MGAM: variants seen among roughly 807,000 people sequenced by gnomAD.
MGAM encodes alpha-1,4-glucosidase.
In MGAM, 253 loss-of-function variants were observed where a neutral mutation model predicts 358.8. The ratio of observed to expected loss-of-function variants is 0.71; its 90% CI spans 0.64 to 0.78. MGAM has a LOEUF of 0.78. Among genes scored for constraint, MGAM ranks in the 30% least tolerant of loss-of-function variants. MGAM has a pLI of 0.00. For synonymous variants in MGAM, 1,105 were observed against 1,227.1 expected, an observed-to-expected ratio of 0.90 and a Z score of 2.08; for missense variants, 3,080 against 3,432.6, an observed-to-expected ratio of 0.90 and a Z score of 2.57.
chr7:142,035,772 G>A (rs2129007524), intron 16 of MGAM, among the ~76,000 whole-genome samples: 1 of 152,208 alleles, frequency 6.6e-6, no homozygotes, highest in East Asian at 1.9e-4. Context: ...TTTTTTAATA[G>A]GTGAGTGACA....
At chr7:142,005,891 A>G (rs1805117258) in intron 2 of MGAM, among the ~76,000 whole-genome samples, 1 of 152,062 alleles carries the variant, frequency 6.6e-6, no homozygotes, top group African/African-American at 2.4e-5. Context: ...TTGACTTTTT[A>G]AAAATATTTG....
chr7:142,034,640 A>T (rs1348792488), intron 15 of MGAM, 30 bp from the exon 16 acceptor site: 4 of 1,600,532 alleles, frequency 2.5e-6, no homozygotes, highest in Non-Finnish European at 3.4e-6. Flanking sequence ...AAGATCCCAC[A>T]TTGACTCCTT....
intron 30 of MGAM, 101 bp downstream of exon 30, chr7:142,057,043 T>C (rs1366560444): frequency 5.0e-6 from 5 of 1,006,234 alleles, no homozygotes; most frequent in African/African-American, 4.9e-5. Context: ...ACTGGAAATA[T>C]TGGTCTTTCT....
intron 3 of MGAM, among the ~76,000 whole-genome samples, chr7:142,011,626 T>G (rs554818669): frequency 3.3e-5 from 5 of 152,310 alleles, no homozygotes; most frequent in Admixed American, 6.5e-5. Flanking sequence ...CATTTTCTTA[T>G]AAACTGTGAA....
upstream of MGAM, among the ~76,000 whole-genome samples, chr7:141,993,647 G>A (rs1005823807): frequency 6.6e-6 from 1 of 152,070 alleles, no homozygotes; most frequent in African/African-American, 2.4e-5. Flanking sequence ...ACTTGGAGGG[G>A]GAAAATATTT....
intron 8 of MGAM, among the ~76,000 whole-genome samples, chr7:142,025,923 A>C (rs1456545938): frequency 2.6e-5 from 4 of 152,192 alleles, no homozygotes; most frequent in Non-Finnish European, 5.9e-5. Context: ...AAGGTACTTA[A>C]AATACCAAAT....
intron 43 of MGAM, 47 bp downstream of exon 43, chr7:142,068,750 T>C (rs1329538472): frequency 7.3e-7 from 1 of 1,379,098 alleles, no homozygotes; most frequent in South Asian, 1.2e-5. Flanking sequence ...TGGTAGAGAG[T>C]ACAAAGGCTT....
At chr7:142,063,655 C>T (rs1812450080) in intron 36 of MGAM, 69 bp downstream of exon 36, 3 of 1,528,010 alleles carry the variant, frequency 2.0e-6, no homozygotes, top group African/African-American at 2.7e-5. Flanking sequence ...GAGCCCGAGG[C>T]CAGGGGCAGC....
chr7:142,008,662 A>G lies in MGAM; in HGVS notation c.284A>G (p.Glu95Gly). 6.2e-7 allele frequency: 1 copy of G among 1,613,426 alleles called. No individual in the cohort carries two copies. Among genetic ancestry groups the G allele is most frequent in the South Asian group, 1.1e-5 (1 of 91,062 alleles). ...PVSAECPVVN[E>G]LERINCIPDQ... ...TCTGCTGAATGTCCAGTGGTAAATG[A>G]ATTGGAACGAATTAATTGCATCCCT... The change falls in exon 3 of 71, where the codon GAA becomes GGA. Residue 95 changes from glutamate to glycine, a missense_variant. Transcript: ENST00000475668.
intron 16 of MGAM, among the ~76,000 whole-genome samples, chr7:142,035,591 G>A (rs1807914488): frequency 6.6e-6 from 1 of 152,172 alleles, no homozygotes; most frequent in East Asian, 1.9e-4. Flanking sequence ...CAGGGGGGAA[G>A]TTCATTTTAA....
At chr7:142,022,708 T>C (rs1189474250) in intron 7 of MGAM, among the ~76,000 whole-genome samples, 2 of 152,186 alleles carry the variant, frequency 1.3e-5, no homozygotes, top group Non-Finnish European at 2.9e-5. Flanking sequence ...TCTAGAAGAA[T>C]GGCTGCCAGA....
At chr7:141,998,839 T>C (rs1000469417) in intron 1 of MGAM, among the ~76,000 whole-genome samples, 35 of 152,148 alleles carry the variant, frequency 2.3e-4, no homozygotes, top group African/African-American at 8.2e-4. Flanking sequence ...CACGCTGTCT[T>C]CCACAATGCT....
rs370421716 is a variant in MGAM, at chr7:142,015,894, T to C, written c.328-3305T>C. 1.3e-4 allele frequency among the ~76,000 whole-genome samples: 20 copies of C among 152,302 alleles called. No homozygotes were observed. The East Asian group carries it at 3.3e-3, about 25-fold the overall frequency. Reference sequence around the variant, plus strand: ...TAGCTGATGAATTCAAATGATTATATGGTATACTTTTTAAAATGAGTTTTT... The same window carrying C: ...TAGCTGATGAATTCAAATGATTATACGGTATACTTTTTAAAATGAGTTTTT... On this transcript the variant is annotated intron_variant, in intron 3 of 70. Coordinates refer to ENST00000475668, the MANE Select transcript of MGAM (RefSeq NM_001365693.1).
intron 36 of MGAM, 42 bp downstream of exon 36, chr7:142,063,628 G>A: frequency 6.3e-7 from 1 of 1,599,404 alleles, no homozygotes; most frequent in Non-Finnish European, 8.5e-7. Flanking sequence ...GCCATGACTG[G>A]AAGGATTACA....
chr7:142,009,541 A>C (rs1218733828), intron 3 of MGAM, among the ~76,000 whole-genome samples: 1 of 152,112 alleles, frequency 6.6e-6, no homozygotes, highest in African/African-American at 2.4e-5. Flanking sequence ...CCATCTTGTC[A>C]CTGGGTATTG....
intron 33 of MGAM, among the ~76,000 whole-genome samples, 155 bp from the exon 34 acceptor site, chr7:142,060,156 C>T (rs73740237): frequency 3.2e-3 from 482 of 152,166 alleles, no homozygotes; most frequent in African/African-American, 5.3e-3. Context: ...GGTAATGTAA[C>T]GTGTTATGGA....
intron 45 of MGAM, among the ~76,000 whole-genome samples, chr7:142,074,778 TA>T (rs1160853109): frequency 3.4e-5 from 5 of 146,544 alleles, no homozygotes; most frequent in African/African-American, 4.9e-5. Flanking sequence ...ATATGTAGAT[TA>T]AAAATTAATT....
At chr7:142,041,111 G>A (rs1007113004) in intron 21 of MGAM, among the ~76,000 whole-genome samples, 8 of 152,030 alleles carry the variant, frequency 5.3e-5, no homozygotes, top group Admixed American at 2.0e-4. Flanking sequence ...AGAGAACCTT[G>A]ACTCTCCTCC....
rs192376207 is a variant in MGAM at position 142,050,975 on chromosome 7, C to T, written c.2805+111C>T. On this transcript the variant is annotated intron_variant, in intron 24 of 70. Coordinates refer to ENST00000475668, the MANE Select transcript of MGAM (RefSeq NM_001365693.1). ...TGAAGGACCAGGGCACCTTTGAGGCCTGTTTTGGGGAAGTGAGAGGGCTGG... is the reference window on the plus strand; with the variant it reads ...TGAAGGACCAGGGCACCTTTGAGGCTTGTTTTGGGGAAGTGAGAGGGCTGG... 15 of 1,432,564 alleles carry T rather than the reference C, an allele frequency of 1.0e-5. No homozygotes were observed. In the East Asian group the frequency reaches 3.4e-4, roughly 33 times the overall value. The allele number at this position is 1,432,564 out of a possible 1,614,324, so 88.7% of individuals were successfully genotyped here. A position where few individuals can be genotyped will look rare whatever the true frequency, so the allele number is the denominator to read the frequency against.
Sources: allele counts gnomAD v4.1 joint callset (sites outside exome capture counted in the v4.1 genomes callset), GRCh38; gene constraint gnomAD v4.1.1; transcripts MANE v1.5; gene names NCBI Gene and HGNC (gene_info 2026-07-23, HGNC 2026-07-21).